Variants in KCNQ1 observed in about 807,000 individuals in gnomAD.
KCNQ1 encodes potassium voltage-gated channel subfamily Q member 1.
A neutral mutation model predicts 72.4 loss-of-function variants in KCNQ1; 49 were observed. That is an observed-to-expected ratio of 0.68 (90% confidence interval 0.54 to 0.86). The LOEUF (loss-of-function observed/expected upper bound fraction) is 0.86. Ranked by LOEUF, KCNQ1 falls within the 40% of genes least tolerant of loss-of-function variation. The pLI, the probability that KCNQ1 is intolerant of heterozygous loss-of-function variation, is 0.00. For missense variants in KCNQ1, 790 were observed against 945.1 expected (o/e 0.84, Z 2.15); for synonymous variants, 450 against 412.6 (o/e 1.09, Z -1.10).
chr11:2,689,035 AG>A, intron 11 of KCNQ1: 1 of 398,812 alleles, frequency 2.5e-6, no homozygotes, highest in Non-Finnish European at 4.4e-6. Context: ...CCTGGGCTGC[AG>A]GGTTTTGAGG....
Position 2,659,732 on chromosome 11 carries a change from A to G in KCNQ1, c.1394-2229A>G. ...CCCACCAGTAACATATGAGAGTTCT[A>G]CATGTTCCACATCCTCAAGAGTGGT... On this transcript the variant is annotated intron_variant, in intron 10 of 15. Transcript: ENST00000155840. This position sits in a 1 kb window ranked among gnomAD's most constrained non-coding sequence, Gnocchi z 4.3. 2.5e-6 allele frequency: 1 copy of G among 398,528 alleles called. No individual in the cohort carries two copies. Among genetic ancestry groups the G allele is most frequent in the Non-Finnish European group, 4.4e-6 (1 of 226,014 alleles). 24.7% of individuals were successfully genotyped at this position (398,528 alleles called of 1,614,324 possible). A position where few individuals can be genotyped will look rare whatever the true frequency, so the allele number is the denominator to read the frequency against.
intron 1 of KCNQ1, among the ~76,000 whole-genome samples, chr11:2,456,186 A>C (rs1416959985): frequency 3.3e-5 from 5 of 152,038 alleles, no homozygotes; most frequent in Non-Finnish European, 5.9e-5. Flanking sequence ...AAAAATACAA[A>C]AATTAGCTGG....
At chr11:2,636,580 G>A (rs1448779240) in intron 10 of KCNQ1, 3 of 151,876 alleles carry the variant, frequency 2.0e-5, no homozygotes. Flanking sequence ...TGCTGGATTC[G>A]GTTTGCCAGT....
rs1846048767 is a variant in KCNQ1 at position 2,447,017 on chromosome 11, A to G, written c.386+1533A>G. Among the ~76,000 whole-genome samples the G allele has an allele frequency of 2.0e-5, 3 of 152,202 alleles. No homozygotes were observed. Among genetic ancestry groups the G allele is most frequent in the Admixed American group, 1.3e-4 (2 of 15,292 alleles). On this transcript the variant is annotated intron_variant, in intron 1 of 15. Transcript: ENST00000155840. This position sits in a 1 kb window ranked among gnomAD's most constrained non-coding sequence, Gnocchi z 7.6. ...CTCTCTGAGATGTCCAAGGGTGGGA[A>G]GACCTCCTCAGCCAGAGGCCAAGGC...
chr11:2,529,745 T>G (rs179430), intron 2 of KCNQ1, among the ~76,000 whole-genome samples: 128,174 of 152,138 alleles, frequency 0.84, 54,144 homozygotes, highest in East Asian at 0.97. Flanking sequence ...AGGGATGCCT[T>G]CCAGGAGGGC....
intron 15 of KCNQ1, among the ~76,000 whole-genome samples, chr11:2,834,636 G>C (rs1274117910): frequency 6.6e-6 from 1 of 152,222 alleles, no homozygotes; most frequent in Non-Finnish European, 1.5e-5. Flanking sequence ...ATGTCGGATG[G>C]AGAAAGGACA....
rs186076168 is a variant in KCNQ1, at chr11:2,815,758, G to T, written c.1795-32009G>T. 4.6e-5 allele frequency among the ~76,000 whole-genome samples: 7 copies of T among 152,190 alleles called. No homozygotes were observed. The East Asian group carries it at 9.7e-4, about 21-fold the overall frequency. On this transcript the variant is annotated intron_variant, in intron 15 of 15. Coordinates refer to ENST00000155840, the MANE Select transcript of KCNQ1 (RefSeq NM_000218.3). The surrounding 1 kb of genome is among the most constrained non-coding windows in gnomAD (Gnocchi z 5.4). ...GAGCAGACACGGGAGTAGGATGGGG[G>T]CCCTGGAGGTACTGGGTGGAGCTGC... is the stretch of plus-strand genomic sequence containing the variant.
intron 15 of KCNQ1, among the ~76,000 whole-genome samples, chr11:2,811,517 G>A (rs2134040393): frequency 6.6e-6 from 1 of 152,376 alleles, no homozygotes; most frequent in South Asian, 2.1e-4. Flanking sequence ...GGCCGCATGA[G>A]GGGACAGAAG....
chr11:2,655,529 A>G (rs2133848191), intron 10 of KCNQ1: 1 of 398,682 alleles, frequency 2.5e-6, no homozygotes, highest in South Asian at 1.3e-4. Context: ...CCATGGGCTC[A>G]ACCTTCTCTG....
intron 10 of KCNQ1, chr11:2,610,199 T>C (rs1256495560): frequency 2.5e-6 from 1 of 398,052 alleles, no homozygotes; most frequent in Non-Finnish European, 4.4e-6. Context: ...GCTCTAGGGC[T>C]TACCTTATGT....
At chr11:2,501,740 AAAAAAAAGG>A in intron 1 of KCNQ1, among the ~76,000 whole-genome samples, 1 of 142,368 alleles carries the variant, frequency 7.0e-6, no homozygotes, top group Non-Finnish European at 1.5e-5. Flanking sequence ...AAAAAAAAAA[AAAAAAAAGG>A]AACCACGGGC....
rs1243864210 is a variant in KCNQ1 at position 2,772,593 on chromosome 11, C to T, written c.1591-3367C>T. Among the ~76,000 whole-genome samples, 5 of 152,122 alleles carry T rather than the reference C, an allele frequency of 3.3e-5. No individual in the cohort carries two copies. Among genetic ancestry groups the T allele is most frequent in the South Asian group, 2.1e-4 (1 of 4,832 alleles). On this transcript the variant is annotated intron_variant, in intron 12 of 15. Coordinates refer to ENST00000155840, the MANE Select transcript of KCNQ1 (RefSeq NM_000218.3). The surrounding 1 kb of genome is among the most constrained non-coding windows in gnomAD (Gnocchi z 6.6). ...CCGGGCCGTGGGTCCTCATGGTCTG[C>T]GGGCATTGCTGAGCCTTCTTGGGCT...
chr11:2,689,791 G>A, intron 11 of KCNQ1: 1 of 398,680 alleles, frequency 2.5e-6, no homozygotes, highest in Non-Finnish European at 4.4e-6. Flanking sequence ...GAGGGGAGGG[G>A]AAGCACTGCG....
chr11:2,626,452 C>G lies in KCNQ1; in HGVS notation c.1394-35509C>G, dbSNP rs1564837612. On this transcript the variant is annotated intron_variant, in intron 10 of 15. Transcript: ENST00000155840. The surrounding 1 kb of genome is among the most constrained non-coding windows in gnomAD (Gnocchi z 4.0). ...GTATACAAGGGTTTATTTTTGGGCT[C>G]TCTATTCAATTCCATTGGTCTCTAC... The G allele has an allele frequency of 5.0e-6, 2 of 398,510 alleles. No homozygotes were observed. Among genetic ancestry groups the G allele is most frequent in the African/African-American group, 4.1e-5 (2 of 48,632 alleles). The allele number at this position is 398,510 out of a possible 1,614,324, so 24.7% of individuals were successfully genotyped here.
At chr11:2,524,255 C>T (rs1373098388) in intron 1 of KCNQ1, among the ~76,000 whole-genome samples, 1 of 152,170 alleles carries the variant, frequency 6.6e-6, no homozygotes. Context: ...GCACCAAGAC[C>T]AGAGCCTGGC....
At chr11:2,641,932 A>G in intron 10 of KCNQ1, 1 of 398,514 alleles carries the variant, frequency 2.5e-6, no homozygotes, top group Non-Finnish European at 4.4e-6. Context: ...GTCAAAAATC[A>G]GTTGGCTGTA....
chr11:2,565,992 G>A lies in KCNQ1; in HGVS notation c.478-4636G>A, dbSNP rs530842674. Among the ~76,000 whole-genome samples, 25 of 152,108 alleles carry A rather than the reference G, an allele frequency of 1.6e-4. No individual in the cohort carries two copies. The East Asian group carries it at 4.5e-3, about 27-fold the overall frequency. On this transcript the variant is annotated intron_variant, in intron 2 of 15. Transcript: ENST00000155840. This position sits in a 1 kb window ranked among gnomAD's most constrained non-coding sequence, Gnocchi z 5.6. ...GCCAGACCCAGCTCTCCAGCTTCCCGGCTGCCCACTAGATGACCACCAAGG... is the reference window on the plus strand; with the variant it reads ...GCCAGACCCAGCTCTCCAGCTTCCCAGCTGCCCACTAGATGACCACCAAGG...
Position 2,808,455 on chromosome 11 carries a change from T to C in KCNQ1, c.1794+30418T>C, listed in dbSNP as rs1463172833. On this transcript the variant is annotated intron_variant, in intron 15 of 15. Transcript: ENST00000155840. This position sits in a 1 kb window ranked among gnomAD's most constrained non-coding sequence, Gnocchi z 6.0. Reference sequence around the variant, plus strand: ...GGAAGACCTCCGAGGGAGGGGCATTTGAAAATAGCATTCAGAGTTGCTATT... The same window carrying C: ...GGAAGACCTCCGAGGGAGGGGCATTCGAAAATAGCATTCAGAGTTGCTATT... Among the ~76,000 whole-genome samples the C allele has an allele frequency of 6.6e-6, 1 of 152,156 alleles. No homozygotes were observed. The highest frequency in any genetic ancestry group is 1.9e-4 in the East Asian group (1 of 5,186).
intron 11 of KCNQ1, chr11:2,681,704 G>C (rs1283564043): frequency 2.6e-6 from 1 of 389,142 alleles, no homozygotes; most frequent in Admixed American, 4.9e-5. Context: ...TGCTTCCCAT[G>C]TGTCTGTTCC....
Sources: allele counts gnomAD v4.1 joint callset (sites outside exome capture counted in the v4.1 genomes callset), GRCh38; gene constraint gnomAD v4.1.1; non-coding constraint Gnocchi (gnomAD v3.1); transcripts MANE v1.5; gene names NCBI Gene and HGNC (gene_info 2026-07-23, HGNC 2026-07-21).